KLK12: variants seen among roughly 807,000 people sequenced by gnomAD.
The protein encoded by KLK12 is kallikrein related peptidase 12.
Under a neutral mutation model 20.0 loss-of-function variants are expected in KLK12, and 23 were observed. The ratio of observed to expected loss-of-function variants is 1.15; its 90% CI spans 0.83 to 1.63. The LOEUF (loss-of-function observed/expected upper bound fraction) is 1.63. Ranked by LOEUF, KLK12 falls within the 40% of genes most tolerant of loss-of-function variation. The pLI, the probability that KLK12 is intolerant of heterozygous loss-of-function variation, is 0.00. For missense variants in KLK12, 351 were observed against 338.6 expected, an observed-to-expected ratio of 1.04 and a Z score of -0.29; for synonymous variants, 147 against 141.9, an observed-to-expected ratio of 1.04 and a Z score of -0.25.
intron 3 of KLK12, among the ~76,000 whole-genome samples, chr19:51,032,528 A>G (rs1238719100): frequency 2.6e-5 from 4 of 151,836 alleles, no homozygotes; most frequent in African/African-American, 9.7e-5. Flanking sequence ...CTGGGATTAC[A>G]GAAGCATGCC....
chr19:51,034,300 G>A, intron 2 of KLK12, 161 bp from the exon 3 acceptor site: 3 of 1,155,638 alleles, frequency 2.6e-6, no homozygotes, highest in Non-Finnish European at 3.7e-6. Flanking sequence ...AAAAGACCAT[G>A]AAACATCAAA....
At chr19:51,030,296 C>T (rs998631773) in intron 5 of KLK12, among the ~76,000 whole-genome samples, 9 of 149,974 alleles carry the variant, frequency 6.0e-5, no homozygotes, top group Non-Finnish European at 1.3e-4. Context: ...GTCTCTCTCC[C>T]TCCCTTATCC....
chr19:51,031,760 C>T (rs1296958221), intron 4 of KLK12, 116 bp downstream of exon 4: 1 of 1,188,434 alleles, frequency 8.4e-7, no homozygotes, highest in Non-Finnish European at 1.2e-6. Context: ...GATGTCCCAT[C>T]CCACACCCTG....
At chr19:51,033,594 C>T (rs1026134194) in intron 3 of KLK12, among the ~76,000 whole-genome samples, 8 of 151,810 alleles carry the variant, frequency 5.3e-5, no homozygotes, top group South Asian at 2.1e-4. Context: ...GCAGCCTGGG[C>T]GACAGAGCGA....
chr19:51,030,766 C>CA, intron 5 of KLK12, 22 bp downstream of exon 5: 1 of 1,612,752 alleles, frequency 6.2e-7, no homozygotes, highest in East Asian at 2.2e-5. Context: ...GGTGACCACG[C>CA]ACGCTGCCTG....
chr19:51,034,194 A>G, intron 2 of KLK12, 55 bp from the exon 3 acceptor site: 1 of 1,512,796 alleles, frequency 6.6e-7, no homozygotes, highest in Non-Finnish European at 9.0e-7. Context: ...ACAGAGATGG[A>G]GAGACACACA....
Position 51,034,595 on chromosome 19 carries a change from C to T in KLK12, c.27G>A (p.Leu9=). Reference sequence around the variant, plus strand: ...TCCGGGAGAACTCACCAAGAACACACAGGAGCAAAAAGATGCTGAGCCCCA... The same window carrying T: ...TCCGGGAGAACTCACCAAGAACACATAGGAGCAAAAAGATGCTGAGCCCCA... The part of the protein sequence containing the change: MGLSIFLL[L]CVLGLSQAAT... Residue 9 remains leucine, a synonymous_variant, in exon 2 of 6, where the codon CTG becomes CTA. Coordinates refer to ENST00000684732, the MANE Select transcript of KLK12 (RefSeq NM_001370125.1). 6.2e-7 allele frequency: 1 copy of T among 1,611,828 alleles called. No homozygotes were observed. The highest frequency in any genetic ancestry group is 1.3e-5 in the African/African-American group (1 of 75,008).
chr19:51,030,997 T>G, intron 4 of KLK12, 76 bp from the exon 5 acceptor site: 1 of 1,572,984 alleles, frequency 6.4e-7, no homozygotes, highest in South Asian at 1.1e-5. Context: ...TCCCTGGATG[T>G]GGCCCATCCA....
chr19:51,034,785 A>C (rs1363150334), intron 1 of KLK12, 21 bp downstream of exon 1: 4 of 1,494,050 alleles, frequency 2.7e-6, no homozygotes, highest in Non-Finnish European at 3.6e-6. Flanking sequence ...CCTCATTGGC[A>C]GTCGCCTACC....
At chr19:51,030,326 T>TATA (rs1181908198) in intron 5 of KLK12, among the ~76,000 whole-genome samples, 1 of 145,154 alleles carries the variant, frequency 6.9e-6, no homozygotes, top group African/African-American at 2.5e-5. Flanking sequence ...CCTCCATTAT[T>TATA]ATTATTATTA....
intron 4 of KLK12, among the ~76,000 whole-genome samples, chr19:51,031,373 CT>C (rs2091555424): frequency 6.6e-6 from 1 of 151,980 alleles, no homozygotes; most frequent in African/African-American, 2.4e-5. Context: ...CCAGTGTCCC[CT>C]GATCCTAGTT....
intron 5 of KLK12, among the ~76,000 whole-genome samples, chr19:51,030,395 G>A (rs1440219287): frequency 6.6e-6 from 1 of 151,080 alleles, no homozygotes; most frequent in African/African-American, 2.4e-5. Flanking sequence ...TGTCGCCCAG[G>A]CTGGAGTGCA....
In KLK12 at chr19:51,029,140, C is replaced by G; in HGVS notation, c.*162G>C. On this transcript the variant is annotated 3_prime_UTR_variant, in exon 6 of 6. Coordinates refer to ENST00000684732, the MANE Select transcript of KLK12 (RefSeq NM_001370125.1). The stretch of plus-strand genomic sequence containing the variant: ...TCCAGACTATTGCACACTTCTCTCA[C>G]CCCGCTCGTGGGTCTTAGAAGGGCT... The G allele has an allele frequency of 2.5e-6, 4 of 1,613,522 alleles. No individual in the cohort carries two copies. The highest frequency in any genetic ancestry group is 3.4e-6 in the Non-Finnish European group (4 of 1,179,460).
Position 51,030,678 on chromosome 19 carries a change from T to C in KLK12, c.591+110A>G, listed in dbSNP as rs1568577162. The C allele has an allele frequency of 2.0e-6, 3 of 1,470,848 alleles. No homozygotes were observed. In the East Asian group the frequency reaches 6.8e-5, roughly 33 times the overall value. The allele number at this position is 1,470,848 out of a possible 1,614,324, so 91.1% of individuals were successfully genotyped here. ...CCCTTCCTTTTTGACCCCGTCTCTC[T>C]GCAGCATCCCCTTTCCCTGATTCAT... is the stretch of plus-strand genomic sequence containing the variant. On this transcript the variant is annotated intron_variant, in intron 5 of 5. Coordinates refer to ENST00000684732, the MANE Select transcript of KLK12 (RefSeq NM_001370125.1).
At chr19:51,029,517 C>T (rs1599767270) in intron 5 of KLK12, 60 bp from the exon 6 acceptor site, 8 of 1,417,460 alleles carry the variant, frequency 5.6e-6, no homozygotes, top group Non-Finnish European at 7.0e-6. Context: ...GTTTTCCTCC[C>T]CAACCCTTCA....
rs146007197 is a variant in KLK12 at position 51,030,860 on chromosome 19, A to G, written c.519T>C (p.His173=). ...NLSIVSHATC[H]GVYPGRITSN... ...TCGTGATTCTCCCGGGATACACACCATGGCAGGTGGCATGGGAGACGATGG... is the reference window on the plus strand; with the variant it reads ...TCGTGATTCTCCCGGGATACACACCGTGGCAGGTGGCATGGGAGACGATGG... Residue 173 remains histidine, a synonymous_variant, in exon 5 of 6, where the codon CAT becomes CAC. Coordinates refer to ENST00000684732, the MANE Select transcript of KLK12 (RefSeq NM_001370125.1). 29 of 1,613,982 alleles carry G rather than the reference A, an allele frequency of 1.8e-5. No homozygotes were observed. The highest frequency in any genetic ancestry group is 2.4e-5 in the Non-Finnish European group (28 of 1,180,018).
intron 5 of KLK12, chr19:51,030,096 G>A (rs1175815980): frequency 1.3e-5 from 2 of 157,402 alleles, no homozygotes; most frequent in Admixed American, 1.2e-4. Context: ...AGCACCAACT[G>A]GAGGATGGTA....
chr19:51,030,161 C>T (rs11669237), intron 5 of KLK12: 1 of 154,182 alleles, frequency 6.5e-6, no homozygotes, highest in Non-Finnish European at 1.5e-5. Context: ...GCTCCCAGTC[C>T]TCTCCGTCTG....
At position 51,034,810 on chromosome 19, in the gene KLK12, T is replaced by C; in HGVS notation, c.-24A>G. On this transcript the variant is annotated 5_prime_UTR_variant, in exon 1 of 6. Coordinates refer to ENST00000684732, the MANE Select transcript of KLK12 (RefSeq NM_001370125.1). ...AGTCGCCTACCTCCTTCTCACCTTG[T>C]CTCTTTGTCTGCCAGATCCTCTACG... The C allele has an allele frequency of 6.8e-7, 1 of 1,464,964 alleles. No homozygotes were observed. The allele number at this position is 1,464,964 out of a possible 1,614,324, so 90.7% of individuals were successfully genotyped here.
Sources: gnomAD v4.1 joint callset for allele counts (sites outside exome capture counted in the v4.1 genomes callset) on GRCh38, gnomAD v4.1.1 for gene constraint, MANE v1.5 for transcripts, NCBI Gene and HGNC (gene_info 2026-07-23, HGNC 2026-07-21) for gene names.